Variants in NTN1 observed in about 807,000 individuals in gnomAD.
The protein encoded by NTN1 is netrin 1, also known as netrin-1.
In NTN1, 11 loss-of-function variants were observed where a neutral mutation model predicts 54.2. That is an observed-to-expected ratio of 0.20 (90% confidence interval 0.13 to 0.34). The LOEUF is 0.34. Ranked by LOEUF, NTN1 falls within the 10% of genes least tolerant of loss-of-function variation. The pLI is 1.00. For synonymous variants in NTN1, 371 were observed against 382.0 expected (o/e 0.97, Z 0.33); for missense variants, 740 against 893.1 (o/e 0.83, Z 2.18).
intron 2 of NTN1, among the ~76,000 whole-genome samples, chr17:9,064,397 C>T (rs1567701458): frequency 6.6e-6 from 1 of 152,202 alleles, no homozygotes; most frequent in Non-Finnish European, 1.5e-5. Flanking sequence ...CTCTCTGGCC[C>T]TGACTTCTCT....
chr17:9,185,257 C>T (rs1348664081), intron 5 of NTN1, among the ~76,000 whole-genome samples: 1 of 152,126 alleles, frequency 6.6e-6, no homozygotes, highest in Non-Finnish European at 1.5e-5. Context: ...TATGCCTTGT[C>T]TCAGCGTCTG....
Position 9,023,400 on chromosome 17 carries a change from G to A in NTN1, c.1018+9G>A. 2.2e-6 allele frequency: 3 copies of A among 1,362,060 alleles called. No homozygotes were observed. Among genetic ancestry groups the A allele is most frequent in the Non-Finnish European group, 2.8e-6 (3 of 1,063,596 alleles). 84.4% of individuals were successfully genotyped at this position (1,362,060 alleles called of 1,614,324 possible). A position where few individuals can be genotyped will look rare whatever the true frequency, so the allele number is the denominator to read the frequency against. On this transcript the variant is annotated intron_variant, in intron 2 of 6. Transcript: ENST00000173229. ...AGCCAACGAGTGCGTGGGTGAGTGG[G>A]GTGCGGCGGCGGAGCCGGCGGCGGG... is the stretch of plus-strand genomic sequence containing the variant.
chr17:9,013,508 G>A, the NTN1 span, among the ~76,000 whole-genome samples: 20 of 151,990 alleles, frequency 1.3e-4, no homozygotes, highest in South Asian at 2.1e-4. Context: ...GAGCCACCTC[G>A]CCCGGCCAGT....
intron 2 of NTN1, among the ~76,000 whole-genome samples, chr17:9,089,653 T>C (rs964356397): frequency 5.3e-5 from 8 of 152,120 alleles, no homozygotes; most frequent in Non-Finnish European, 1.0e-4. Context: ...GTGCTTCCCC[T>C]GCCTGCAAAA....
intron 2 of NTN1, among the ~76,000 whole-genome samples, chr17:9,110,996 G>A (rs551754915): frequency 4.1e-5 from 6 of 147,494 alleles, no homozygotes; most frequent in East Asian, 4.0e-4. Context: ...GTGCTGTGGC[G>A]CGATCTCGGC....
chr17:9,122,999 T>C (rs1212662229), intron 2 of NTN1, among the ~76,000 whole-genome samples: 1 of 152,238 alleles, frequency 6.6e-6, no homozygotes, highest in Non-Finnish European at 1.5e-5. Context: ...TTTGTTGGGC[T>C]GAGTGCTCTT....
At chr17:9,155,159 CG>C (rs891329489) in intron 2 of NTN1, among the ~76,000 whole-genome samples, 3 of 152,122 alleles carry the variant, frequency 2.0e-5, no homozygotes, top group African/African-American at 7.2e-5. Context: ...CTCTGGTCAC[CG>C]TTGAAAACAG....
intron 2 of NTN1, among the ~76,000 whole-genome samples, chr17:9,068,783 C>T (rs934476994): frequency 1.3e-5 from 2 of 152,170 alleles, no homozygotes; most frequent in Non-Finnish European, 2.9e-5. Context: ...GCTGGGATTA[C>T]AGGCATAAGC....
At chr17:9,006,950 C>T in the NTN1 span, among the ~76,000 whole-genome samples, 2 of 152,256 alleles carry the variant, frequency 1.3e-5, no homozygotes, top group African/African-American at 4.8e-5. Context: ...TCACTTCCAG[C>T]TTCTCCACCG....
At chr17:9,092,022 C>T (rs1380706807) in intron 2 of NTN1, among the ~76,000 whole-genome samples, 4 of 151,702 alleles carry the variant, frequency 2.6e-5, no homozygotes, top group African/African-American at 4.8e-5. Flanking sequence ...TCCTGAGTAC[C>T]TGGATTACAG....
chr17:9,139,628 C>G (rs569849900), intron 2 of NTN1, among the ~76,000 whole-genome samples: 1 of 152,256 alleles, frequency 6.6e-6, no homozygotes, highest in East Asian at 1.9e-4. Context: ...CTTTTAAGTT[C>G]AGTGAGAGAA....
chr17:9,168,499 T>C (rs981566776), intron 3 of NTN1, among the ~76,000 whole-genome samples: 1 of 150,836 alleles, frequency 6.6e-6, no homozygotes, highest in Admixed American at 6.6e-5. Flanking sequence ...GCCATTGCAC[T>C]CCAGCCTGGG....
chr17:9,130,860 T>C (rs1340505691), intron 2 of NTN1, among the ~76,000 whole-genome samples: 2 of 152,208 alleles, frequency 1.3e-5, no homozygotes, highest in Admixed American at 1.3e-4. Context: ...TGTCCTTACC[T>C]ATCACATGCA....
At chr17:9,054,180 G>T (rs2091970382) in intron 2 of NTN1, among the ~76,000 whole-genome samples, 1 of 152,242 alleles carries the variant, frequency 6.6e-6, no homozygotes, top group Admixed American at 6.5e-5. Context: ...TAGCAACTGG[G>T]TTAGCATTTC....
At chr17:9,009,884 G>A in the NTN1 span, among the ~76,000 whole-genome samples, 16 of 152,138 alleles carry the variant, frequency 1.1e-4, no homozygotes, top group Admixed American at 1.0e-3. Flanking sequence ...AGCCATCTCT[G>A]GAAACAGCAG....
chr17:9,117,813 A>G (rs2092219350), intron 2 of NTN1, among the ~76,000 whole-genome samples: 1 of 149,954 alleles, frequency 6.7e-6, no homozygotes, highest in Non-Finnish European at 1.5e-5. Context: ...ACGGCGTGTC[A>G]TCCCCTGCCT....
intron 2 of NTN1, among the ~76,000 whole-genome samples, chr17:9,129,387 T>C (rs1345092539): frequency 2.6e-5 from 4 of 152,114 alleles, no homozygotes; most frequent in African/African-American, 9.7e-5. Flanking sequence ...GCTGCTGAAT[T>C]GTGAGTCTTC....
chr17:9,119,818 C>T (rs975845804), intron 2 of NTN1, among the ~76,000 whole-genome samples: 8 of 152,048 alleles, frequency 5.3e-5, no homozygotes, highest in East Asian at 3.9e-4. Flanking sequence ...TTATTTTAGC[C>T]GTCCTACTGA....
intron 5 of NTN1, among the ~76,000 whole-genome samples, chr17:9,199,458 T>C (rs1904724953): frequency 6.6e-6 from 1 of 152,214 alleles, no homozygotes; most frequent in Admixed American, 6.5e-5. Flanking sequence ...TTTCTTACTT[T>C]ATACCACAGT....
Sources: gnomAD v4.1 joint callset for allele counts (sites outside exome capture counted in the v4.1 genomes callset) on GRCh38, gnomAD v4.1.1 for gene constraint, MANE v1.5 for transcripts, NCBI Gene and HGNC (gene_info 2026-07-23, HGNC 2026-07-21) for gene names.